Variants in DYNLT5 observed in about 807,000 individuals in gnomAD.
DYNLT5 encodes the protein dynein light chain Tctex-type 5.
Under a neutral mutation model 19.3 loss-of-function variants are expected in DYNLT5, and 25 were observed. The ratio of observed to expected loss-of-function variants is 1.30; its 90% confidence interval spans 0.95 to 1.81. DYNLT5 has a LOEUF of 1.81. DYNLT5 is among the 40% of genes most tolerant of loss of function. The probability of loss-of-function intolerance (pLI) is 0.00; values close to 1 mark genes in which losing one functional copy is unlikely to be tolerated. For synonymous variants in DYNLT5, 82 were observed against 68.9 expected (o/e 1.19, Z -0.94); for missense variants, 232 against 217.9 (o/e 1.06, Z -0.41).
chr1:66,752,504 TG>T lies in DYNLT5; in HGVS notation c.-81del. On this transcript the variant is annotated 5_prime_UTR_variant, in exon 1 of 5. Coordinates refer to ENST00000282670, the MANE Select transcript of DYNLT5 (RefSeq NM_152665.3). Reference sequence around the variant, plus strand: ...GGGCGGCCGCCGGCTGAATGAAGCCTGGGACGCGGGAGCCGCGCCGCGCGCA... The same window carrying T: ...GGGCGGCCGCCGGCTGAATGAAGCCTGGACGCGGGAGCCGCGCCGCGCGCA... 1.0e-6 allele frequency: 1 copy of T among 985,554 alleles called. No individual in the cohort carries two copies. Among genetic ancestry groups the T allele is most frequent in the Non-Finnish European group, 1.2e-6 (1 of 830,034 alleles). The allele number at this position is 985,554 out of a possible 1,614,324, so 61.1% of individuals were successfully genotyped here.
At position 66,776,344 on chromosome 1, in the gene DYNLT5, C is replaced by G. The variant is rs747005382; in HGVS notation, c.277C>G (p.Leu93Val). Residue 93 changes from leucine (L) to valine (V), a missense_variant, in exon 4 of 5, where the codon CTA becomes GTA. By Grantham distance (32) the Leu-to-Val change is conservative (BLOSUM62 1). Transcript: ENST00000282670. ...TTTGAAAGATGTAGTAACCAGCTAT[C>G]TACAAGTAGAAGAATATGAACCAGA... ...HILKDVVTSY[L>V]QVEEYEPELC... 3.7e-6 allele frequency: 6 copies of G among 1,613,464 alleles called. No individual in the cohort carries two copies. In the East Asian group the frequency reaches 1.3e-4, roughly 36 times the overall value.
chr1:66,763,823 A>G lies in DYNLT5; in HGVS notation c.120-6564A>G, dbSNP rs527597630. Among the ~76,000 whole-genome samples the G allele has an allele frequency of 5.3e-5, 8 of 152,320 alleles. No individual in the cohort carries two copies. The East Asian group carries it at 9.6e-4, about 18-fold the overall frequency. On this transcript the variant is annotated intron_variant, in intron 2 of 4. Coordinates refer to ENST00000282670, the MANE Select transcript of DYNLT5 (RefSeq NM_152665.3). ...TCCAGACCACTAAAACTTTCTCCAA[A>G]TCAGCAATAAGGTTGTTTTGCTTTC...
At chr1:66,757,969 C>A (rs1461276860) in intron 2 of DYNLT5, among the ~76,000 whole-genome samples, 3 of 152,128 alleles carry the variant, frequency 2.0e-5, no homozygotes, top group Non-Finnish European at 4.4e-5. Context: ...CCTGCAAATC[C>A]AAAAATATCT....
intron 2 of DYNLT5, among the ~76,000 whole-genome samples, chr1:66,764,592 G>A (rs552510838): frequency 4.2e-4 from 64 of 152,262 alleles, no homozygotes; most frequent in Middle Eastern, 3.4e-3. Flanking sequence ...ACTGATCATC[G>A]CTCTCCATAA....
At chr1:66,754,559 G>T in intron 1 of DYNLT5, 97 bp from the exon 2 acceptor site, 1 of 1,309,208 alleles carries the variant, frequency 7.6e-7, no homozygotes. Context: ...AAAATGGTAG[G>T]AAAACTATCT....
intron 3 of DYNLT5, among the ~76,000 whole-genome samples, chr1:66,771,690 A>G (rs143331612): frequency 8.5e-5 from 13 of 152,280 alleles, no homozygotes; most frequent in Non-Finnish European, 1.5e-4. Flanking sequence ...TAGGCAAGCT[A>G]AGTTTGGGTC....
intron 3 of DYNLT5, among the ~76,000 whole-genome samples, chr1:66,773,171 C>A (rs1645213692): frequency 6.6e-6 from 1 of 152,090 alleles, no homozygotes; most frequent in Admixed American, 6.6e-5. Context: ...TTTTCTGGAA[C>A]TGAGTATAGT....
At position 66,777,261 on chromosome 1, in the gene DYNLT5, C is replaced by A. The variant is rs550110818; in HGVS notation, c.347C>A (p.Ala116Asp). ...TTTTTAAATTTCTAGGTTATTAAAG[C>A]CCAGGTCAAGGACTTGATGATTCCA... The part of the protein sequence containing the change: ...MTKTISEVIK[A>D]QVKDLMIPRY... The change falls in exon 5 of 5, where the codon GCC (alanine) becomes GAC (aspartate). Residue 116 changes from alanine (A) to aspartate (D), a missense_variant. Physicochemically the swap from Ala to Asp is moderately radical, Grantham distance 126 (BLOSUM62 -2). Transcript: ENST00000282670. 6.2e-7 allele frequency: 1 copy of A among 1,607,330 alleles called. No homozygotes were observed. The highest frequency in any genetic ancestry group is 1.3e-5 in the African/African-American group (1 of 74,890).
At chr1:66,759,512 GT>G (rs926566311) in intron 2 of DYNLT5, among the ~76,000 whole-genome samples, 3 of 151,996 alleles carry the variant, frequency 2.0e-5, no homozygotes, top group African/African-American at 7.2e-5. Context: ...ATACATACAC[GT>G]TTTTTTAAAC....
At chr1:66,758,026 A>G (rs112184108) in intron 2 of DYNLT5, among the ~76,000 whole-genome samples, 3 of 152,324 alleles carry the variant, frequency 2.0e-5, no homozygotes, top group African/African-American at 7.2e-5. Flanking sequence ...TGCTCTATAA[A>G]GATAGATGTT....
intron 2 of DYNLT5, among the ~76,000 whole-genome samples, chr1:66,757,207 T>A (rs567653764): frequency 2.6e-5 from 4 of 152,306 alleles, no homozygotes; most frequent in African/African-American, 9.6e-5. Flanking sequence ...CTGCTTCTTA[T>A]ATGTGGTATA....
At chr1:66,761,560 G>A (rs2094645960) in intron 2 of DYNLT5, among the ~76,000 whole-genome samples, 1 of 152,138 alleles carries the variant, frequency 6.6e-6, no homozygotes, top group Non-Finnish European at 1.5e-5. Flanking sequence ...AAGGCAAGAG[G>A]ATCACGGCAG....
intron 2 of DYNLT5, among the ~76,000 whole-genome samples, chr1:66,765,228 G>A (rs979716587): frequency 3.9e-5 from 6 of 152,154 alleles, no homozygotes; most frequent in African/African-American, 1.4e-4. Flanking sequence ...CCCCTCCGAA[G>A]AAGACACACT....
intron 2 of DYNLT5, among the ~76,000 whole-genome samples, chr1:66,768,257 C>T (rs1423417832): frequency 6.6e-6 from 1 of 152,000 alleles, no homozygotes; most frequent in Non-Finnish European, 1.5e-5. Context: ...ATAATATGAG[C>T]CCATATGTAA....
At chr1:66,761,793 A>G (rs1429144922) in intron 2 of DYNLT5, among the ~76,000 whole-genome samples, 2 of 152,220 alleles carry the variant, frequency 1.3e-5, no homozygotes, top group African/African-American at 4.8e-5. Context: ...AAATAAAAAT[A>G]AAATGAAATG....
intron 3 of DYNLT5, among the ~76,000 whole-genome samples, chr1:66,772,631 G>A (rs912073869): frequency 1.3e-5 from 2 of 152,098 alleles, no homozygotes; most frequent in Non-Finnish European, 2.9e-5. Flanking sequence ...CCAATCACCA[G>A]CACTATTATG....
chr1:66,770,249 A>G, intron 2 of DYNLT5, 138 bp from the exon 3 acceptor site: 1 of 621,138 alleles, frequency 1.6e-6, no homozygotes, highest in Non-Finnish European at 2.8e-6. Flanking sequence ...TCAATATGCC[A>G]CTAGGATATT....
intron 2 of DYNLT5, among the ~76,000 whole-genome samples, chr1:66,756,785 C>G (rs1572542825): frequency 6.6e-6 from 1 of 152,148 alleles, no homozygotes; most frequent in East Asian, 1.9e-4. Context: ...ACCATCTTCC[C>G]CACCATCTTG....
chr1:66,757,040 TGCC>T (rs1244998790), intron 2 of DYNLT5, among the ~76,000 whole-genome samples: 1 of 152,262 alleles, frequency 6.6e-6, no homozygotes, highest in Non-Finnish European at 1.5e-5. Context: ...TTGGATGATC[TGCC>T]TTTCTTCTCC....
Sources: gnomAD v4.1 joint callset for allele counts (sites outside exome capture counted in the v4.1 genomes callset) on GRCh38, gnomAD v4.1.1 for gene constraint, MANE v1.5 for transcripts, NCBI Gene and HGNC (gene_info 2026-07-23, HGNC 2026-07-21) for gene names.